Variants in COL28A1 observed in about 807,000 individuals in gnomAD.
COL28A1 encodes the protein collagen type XXVIII alpha 1 chain, also known as collagen alpha-1(XXVIII) chain.
In COL28A1, 161 loss-of-function variants were observed where a neutral mutation model predicts 150.2. The ratio of observed to expected loss-of-function variants is 1.07; its 90% CI spans 0.94 to 1.22. The LOEUF (loss-of-function observed/expected upper bound fraction) is 1.22. COL28A1 is among the 50% of genes most tolerant of loss of function. The pLI is 0.00. For synonymous variants in COL28A1, 552 were observed against 469.7 expected (o/e 1.18, Z -2.26); for missense variants, 1,617 against 1,388.3 (o/e 1.16, Z -2.62).
At chr7:7,510,863 G>A (rs1160761534) in intron 9 of COL28A1, among the ~76,000 whole-genome samples, 1 of 152,184 alleles carries the variant, frequency 6.6e-6, no homozygotes, top group Non-Finnish European at 1.5e-5. Context: ...AGGTTAGGGT[G>A]TCAGAAAATG....
rs530217783 is a variant in COL28A1, at chr7:7,406,171, T to C, written c.2136+11688A>G. ...TGAGTGAACACTACTGAACTTCCAC[T>C]ACTGAACACTAGGATTTAGAAAAGA... On this transcript the variant is annotated intron_variant, in intron 27 of 34. Transcript: ENST00000399429. Among the ~76,000 whole-genome samples, 4 of 152,328 alleles carry C rather than the reference T, an allele frequency of 2.6e-5. No individual in the cohort carries two copies. The South Asian group carries it at 8.3e-4, about 32-fold the overall frequency.
chr7:7,507,063 A>G, intron 10 of COL28A1, 54 bp downstream of exon 10: 2 of 856,348 alleles, frequency 2.3e-6, no homozygotes, highest in Non-Finnish European at 4.0e-6. Context: ...GGATGGTTTA[A>G]AAACTCCCCA....
At chr7:7,419,209 T>A (rs1784266599) in intron 26 of COL28A1, among the ~76,000 whole-genome samples, 1 of 152,200 alleles carries the variant, frequency 6.6e-6, no homozygotes, top group Non-Finnish European at 1.5e-5. Flanking sequence ...ATTAACATTT[T>A]GAGCTGAGTC....
At chr7:7,499,599 C>A (rs1780411092) in intron 11 of COL28A1, among the ~76,000 whole-genome samples, 1 of 152,262 alleles carries the variant, frequency 6.6e-6, no homozygotes, top group South Asian at 2.1e-4. Context: ...TGTTACAAAT[C>A]ATGACTTTTT....
chr7:7,528,102 G>A (rs1782130879), intron 3 of COL28A1, among the ~76,000 whole-genome samples: 1 of 152,150 alleles, frequency 6.6e-6, no homozygotes, highest in East Asian at 1.9e-4. Context: ...GTATGTGAGG[G>A]AGGGAATACC....
At chr7:7,429,728 G>A (rs770628137) in intron 25 of COL28A1, among the ~76,000 whole-genome samples, 1 of 152,096 alleles carries the variant, frequency 6.6e-6, no homozygotes, top group Admixed American at 6.5e-5. Context: ...CAATTTCCAT[G>A]GGAAGAGACA....
At chr7:7,504,379 T>C (rs1189500946) in intron 11 of COL28A1, among the ~76,000 whole-genome samples, 2 of 152,112 alleles carry the variant, frequency 1.3e-5, no homozygotes, top group Non-Finnish European at 2.9e-5. Context: ...TATGTGCCTC[T>C]AGTCCTAGCT....
At chr7:7,512,433 T>C (rs1781196729) in intron 8 of COL28A1, among the ~76,000 whole-genome samples, 1 of 152,208 alleles carries the variant, frequency 6.6e-6, no homozygotes, top group South Asian at 2.1e-4. Flanking sequence ...TTTTATAATG[T>C]ATACATTTAT....
At position 7,423,966 on chromosome 7, in the gene COL28A1, A is replaced by G. The variant is rs547931310; in HGVS notation, c.1999-4013T>C. Among the ~76,000 whole-genome samples, 21 of 152,290 alleles carry G rather than the reference A, an allele frequency of 1.4e-4. 1 individual carries two copies. The East Asian group carries it at 3.7e-3, about 27-fold the overall frequency. On this transcript the variant is annotated intron_variant, in intron 25 of 34. Transcript: ENST00000399429. ...AGCCAATGAATTTAAGATGTGTTCC[A>G]TGTCATCTGTGGTCCTTCAGTGTTC...
intron 2 of COL28A1, 69 bp from the exon 3 acceptor site, chr7:7,531,973 C>G (rs746755242): frequency 3.7e-5 from 34 of 908,288 alleles, no homozygotes; most frequent in Non-Finnish European, 5.6e-5. Context: ...ATACGGAAAG[C>G]CCTGAAGTGG....
At chr7:7,380,730 G>A (rs1047157093) in intron 29 of COL28A1, 35 bp from the exon 30 acceptor site, 1 of 1,613,006 alleles carries the variant, frequency 6.2e-7, no homozygotes, top group Non-Finnish European at 8.5e-7. Context: ...GTCAATATAG[G>A]TTGGAACCAG....
At chr7:7,387,599 T>C (rs966715157) in intron 27 of COL28A1, among the ~76,000 whole-genome samples, 16 of 152,086 alleles carry the variant, frequency 1.1e-4, no homozygotes, top group Non-Finnish European at 2.4e-4. Context: ...CAGACATATA[T>C]ATATATATGC....
chr7:7,473,896 CATAT>C (rs1363223238), intron 15 of COL28A1, among the ~76,000 whole-genome samples: 3 of 149,750 alleles, frequency 2.0e-5, no homozygotes, highest in Non-Finnish European at 3.0e-5. Context: ...TGTTTGTTTA[CATAT>C]ATAGTGTGTG....
chr7:7,383,013 G>T (rs774294149), intron 27 of COL28A1, among the ~76,000 whole-genome samples: 7 of 151,842 alleles, frequency 4.6e-5, no homozygotes, highest in Non-Finnish European at 8.8e-5. Context: ...AATCAAAAGG[G>T]CCTATTCTCT....
At chr7:7,340,245 T>C in the COL28A1 span, among the ~76,000 whole-genome samples, 1 of 152,076 alleles carries the variant, frequency 6.6e-6, no homozygotes, top group African/African-American at 2.4e-5. Context: ...TAATACAAGT[T>C]TTAAAAATTA....
intron 20 of COL28A1, among the ~76,000 whole-genome samples, chr7:7,441,273 A>C (rs1346470743): frequency 6.6e-6 from 1 of 152,158 alleles, no homozygotes; most frequent in Non-Finnish European, 1.5e-5. Context: ...GACATTTTAA[A>C]AATCACAGCC....
chr7:7,504,538 G>C (rs1780706108), intron 11 of COL28A1, among the ~76,000 whole-genome samples: 1 of 151,910 alleles, frequency 6.6e-6, no homozygotes, highest in Non-Finnish European at 1.5e-5. Flanking sequence ...AAAAGGAGGA[G>C]GAGGAACACC....
At chr7:7,429,471 T>TGGG (rs199525347) in intron 25 of COL28A1, among the ~76,000 whole-genome samples, 4 of 120,620 alleles carry the variant, frequency 3.3e-5, no homozygotes, top group African/African-American at 1.2e-4. Flanking sequence ...TGTGTGTGTG[T>TGGG]GTGGGGGGGG....
chr7:7,377,953 G>A (rs78798322), intron 30 of COL28A1, among the ~76,000 whole-genome samples: 4,882 of 152,148 alleles, frequency 0.032, 97 homozygotes, highest in Non-Finnish European at 0.048. Context: ...AGTCTAAGAG[G>A]AGGCAAATGA....
Sources: allele counts gnomAD v4.1 joint callset (sites outside exome capture counted in the v4.1 genomes callset), GRCh38; gene constraint gnomAD v4.1.1; transcripts MANE v1.5; gene names NCBI Gene and HGNC (gene_info 2026-07-23, HGNC 2026-07-21).